Variants in WNT3A observed in about 807,000 individuals in gnomAD.
WNT3A encodes the protein Wnt family member 3A.
WNT3A carries 17 observed loss-of-function variants against 37.0 expected under a neutral mutation model. The observed-to-expected ratio is 0.46, with a 90% confidence interval of 0.31 to 0.69. The LOEUF (loss-of-function observed/expected upper bound fraction) is 0.69, where lower values mean the gene tolerates loss of function less well. Among genes scored for constraint, WNT3A ranks in the 30% least tolerant of loss-of-function variants. The pLI, the probability that WNT3A is intolerant of heterozygous loss-of-function variation, is 0.05. For synonymous variants in WNT3A, 187 were observed against 211.0 expected (o/e 0.89, Z 0.99); for missense variants, 411 against 510.2 (o/e 0.81, Z 1.87).
intron 3 of WNT3A, among the ~76,000 whole-genome samples, chr1:228,054,166 G>C (rs1289470110): frequency 2.0e-5 from 3 of 152,180 alleles, no homozygotes; most frequent in Non-Finnish European, 4.4e-5. Flanking sequence ...GTCTTGTCCT[G>C]TTCACATGGG....
chr1:228,054,547 G>A (rs1373382334), intron 3 of WNT3A, among the ~76,000 whole-genome samples: 1 of 148,452 alleles, frequency 6.7e-6, no homozygotes, highest in South Asian at 2.1e-4. Context: ...AGAATGGCGT[G>A]AACCCAGGAG....
chr1:228,049,075 C>T (rs2031487864), intron 2 of WNT3A, among the ~76,000 whole-genome samples: 2 of 152,236 alleles, frequency 1.3e-5, no homozygotes, highest in Admixed American at 6.5e-5. Flanking sequence ...CTGCAGCCTT[C>T]CAAGCTGGAG....
At chr1:228,018,295 A>G (rs1340211357) in intron 1 of WNT3A, among the ~76,000 whole-genome samples, 1 of 152,162 alleles carries the variant, frequency 6.6e-6, no homozygotes, top group Admixed American at 6.5e-5. Context: ...GTTACAGGTC[A>G]TAGTTTCCCA....
In WNT3A at chr1:228,031,910, C is replaced by T. The variant is rs1488295144; in HGVS notation, c.313+9002C>T. On this transcript the variant is annotated intron_variant, in intron 2 of 3. Transcript: ENST00000284523. This position sits in a 1 kb window ranked among gnomAD's most constrained non-coding sequence, Gnocchi z 4.8. The stretch of plus-strand genomic sequence containing the variant: ...GGATGGGGTGCTTAGGGCTGCCACT[C>T]CCCCTCTGAGAAGGAAGCAGCGATT... Among the ~76,000 whole-genome samples the T allele has an allele frequency of 2.0e-5, 3 of 152,108 alleles. No individual in the cohort carries two copies. Among genetic ancestry groups the T allele is most frequent in the Non-Finnish European group, 4.4e-5 (3 of 68,028 alleles).
In WNT3A at chr1:228,059,927, G is replaced by A. The variant is rs879266966; in HGVS notation, c.*462G>A. ...GAGGCGGGGCTCTAGGATGGGGCAC[G>A]GCTCTGGGGTAGGCTGCTCCCTGAG... On this transcript the variant is annotated 3_prime_UTR_variant, in exon 4 of 4. Coordinates refer to ENST00000284523, the MANE Select transcript of WNT3A (RefSeq NM_033131.4). 7.6e-6 allele frequency: 8 copies of A among 1,058,088 alleles called. No individual in the cohort carries two copies. Among genetic ancestry groups the A allele is most frequent in the South Asian group, 5.7e-5 (2 of 34,934 alleles). The allele number at this position is 1,058,088 out of a possible 1,614,324, so 65.5% of individuals were successfully genotyped here.
chr1:228,022,636 C>G, intron 1 of WNT3A, 31 bp from the exon 2 acceptor site: 1 of 1,597,222 alleles, frequency 6.3e-7, no homozygotes, highest in Non-Finnish European at 8.6e-7. Flanking sequence ...GTCCCAGCCC[C>G]ACACTCACCA....
Position 228,038,031 on chromosome 1 carries a change from G to C in WNT3A, c.314-12625G>C, listed in dbSNP as rs990556260. 6.6e-6 allele frequency among the ~76,000 whole-genome samples: 1 copy of C among 152,118 alleles called. No individual in the cohort carries two copies. Among genetic ancestry groups the C allele is most frequent in the Non-Finnish European group, 1.5e-5 (1 of 67,988 alleles). On this transcript the variant is annotated intron_variant, in intron 2 of 3. Coordinates refer to ENST00000284523, the MANE Select transcript of WNT3A (RefSeq NM_033131.4). This position sits in a 1 kb window ranked among gnomAD's most constrained non-coding sequence, Gnocchi z 5.7. Reference sequence around the variant, plus strand: ...ACTCGGCGTGACAGTGGCGCACAAAGCCGGATTCAAGCGCCCCAGCGGGTC... The same window carrying C: ...ACTCGGCGTGACAGTGGCGCACAAACCCGGATTCAAGCGCCCCAGCGGGTC...
chr1:228,047,894 C>T (rs2031460661), intron 2 of WNT3A, among the ~76,000 whole-genome samples: 1 of 152,104 alleles, frequency 6.6e-6, no homozygotes, highest in Non-Finnish European at 1.5e-5. Flanking sequence ...ATGGGACCCA[C>T]CCCCCATGAC....
At chr1:228,045,897 G>A (rs1195400099) in intron 2 of WNT3A, among the ~76,000 whole-genome samples, 1 of 152,216 alleles carries the variant, frequency 6.6e-6, no homozygotes, top group Non-Finnish European at 1.5e-5. Flanking sequence ...ATATCTATGG[G>A]CTGGGCCTTG....
chr1:228,059,940 G>A lies in WNT3A; in HGVS notation c.*475G>A, dbSNP rs368193456. 10 of 1,101,640 alleles carry A rather than the reference G, an allele frequency of 9.1e-6. No homozygotes were observed. The East Asian group carries it at 2.3e-4, about 25-fold the overall frequency. The allele number at this position is 1,101,640 out of a possible 1,614,324, so 68.2% of individuals were successfully genotyped here. A position where few individuals can be genotyped will look rare whatever the true frequency, so the allele number is the denominator to read the frequency against. On this transcript the variant is annotated 3_prime_UTR_variant, in exon 4 of 4. Coordinates refer to ENST00000284523, the MANE Select transcript of WNT3A (RefSeq NM_033131.4). ...AGGATGGGGCACGGCTCTGGGGTAGGCTGCTCCCTGAGGGCGGAGCGCCTC... is the reference window on the plus strand; with the variant it reads ...AGGATGGGGCACGGCTCTGGGGTAGACTGCTCCCTGAGGGCGGAGCGCCTC...
In WNT3A at chr1:228,058,761, G is replaced by T. The variant is rs147312174; in HGVS notation, c.580-225G>T. Among the ~76,000 whole-genome samples, 505 of 152,358 alleles carry T rather than the reference G, an allele frequency of 3.3e-3. 6 individuals carry two copies. The highest frequency in any genetic ancestry group is 0.012 in the African/African-American group (484 of 41,576). On this transcript the variant is annotated intron_variant, in intron 3 of 3. Transcript: ENST00000284523. Reference sequence around the variant, plus strand: ...ACTCAGCTAGGAGACGGGAAGAGGGGAGCCCCCCAAGCCCTGACCTGGGAA... The same window carrying T: ...ACTCAGCTAGGAGACGGGAAGAGGGTAGCCCCCCAAGCCCTGACCTGGGAA...
chr1:228,022,299 T>C (rs1486744172), intron 1 of WNT3A, among the ~76,000 whole-genome samples: 1 of 151,946 alleles, frequency 6.6e-6, no homozygotes, highest in East Asian at 1.9e-4. Context: ...CTCTACAAAC[T>C]GTAAAAATAA....
chr1:228,059,682 T>G lies in WNT3A; in HGVS notation c.*217T>G. 6.7e-6 allele frequency: 9 copies of G among 1,348,724 alleles called. No individual in the cohort carries two copies. The highest frequency in any genetic ancestry group is 8.5e-6 in the Non-Finnish European group (9 of 1,057,784). 83.5% of individuals were successfully genotyped at this position (1,348,724 alleles called of 1,614,324 possible). A position where few individuals can be genotyped will look rare whatever the true frequency, so the allele number is the denominator to read the frequency against. Reference sequence around the variant, plus strand: ...TCCTCTCTGGTGGCTGGGCTGCTCCTGAATGAGGCGGAGCTCCAGGATGGG... The same window carrying G: ...TCCTCTCTGGTGGCTGGGCTGCTCCGGAATGAGGCGGAGCTCCAGGATGGG... On this transcript the variant is annotated 3_prime_UTR_variant, in exon 4 of 4. Transcript: ENST00000284523.
Position 228,031,110 on chromosome 1 carries a change from TG to T in WNT3A, c.313+8203del, listed in dbSNP as rs1339656040. Among the ~76,000 whole-genome samples, 1 of 152,272 alleles carries T rather than the reference TG, an allele frequency of 6.6e-6. No homozygotes were observed. The highest frequency in any genetic ancestry group is 1.9e-4 in the East Asian group (1 of 5,138). ...CACGCCCCAGCCCTCATCACGGGCC[TG>T]TGTTCTTCAGGCGTGGGGAAGGCAC... On this transcript the variant is annotated intron_variant, in intron 2 of 3. Transcript: ENST00000284523. This position sits in a 1 kb window ranked among gnomAD's most constrained non-coding sequence, Gnocchi z 4.8.
chr1:228,042,385 CTGGATGGATGGATGGATGA>C lies in WNT3A; in HGVS notation c.314-8259_314-8241del. ...CTGGCTCATTAGGGACTCTCAGATC[CTGGATGGATGGATGGATGA>C]TGGATGGATGGTGGGTGGTGGATAG... On this transcript the variant is annotated intron_variant, in intron 2 of 3. Coordinates refer to ENST00000284523, the MANE Select transcript of WNT3A (RefSeq NM_033131.4). This position sits in a 1 kb window ranked among gnomAD's most constrained non-coding sequence, Gnocchi z 5.2. 6.6e-6 allele frequency among the ~76,000 whole-genome samples: 1 copy of C among 152,188 alleles called. No homozygotes were observed. Among genetic ancestry groups the C allele is most frequent in the South Asian group, 2.1e-4 (1 of 4,820 alleles).
rs755377721 is a variant in WNT3A at position 228,007,249 on chromosome 1, A to C, written c.71+50A>C. 12 of 1,556,688 alleles carry C rather than the reference A, an allele frequency of 7.7e-6. No individual in the cohort carries two copies. The highest frequency in any genetic ancestry group is 1.0e-5 in the Non-Finnish European group (12 of 1,147,766). On this transcript the variant is annotated intron_variant, in intron 1 of 3. Coordinates refer to ENST00000284523, the MANE Select transcript of WNT3A (RefSeq NM_033131.4). The surrounding 1 kb of genome is among the most constrained non-coding windows in gnomAD (Gnocchi z 6.0). Reference sequence around the variant, plus strand: ...CCCTGCCCCTGTGCGCCGCGCCCGCAGCAGACGGTCCCCTCGGGCAGGGAC... The same window carrying C: ...CCCTGCCCCTGTGCGCCGCGCCCGCCGCAGACGGTCCCCTCGGGCAGGGAC...
Position 228,039,208 on chromosome 1 carries a change from C to T in WNT3A, c.314-11448C>T, listed in dbSNP as rs1004876637. On this transcript the variant is annotated intron_variant, in intron 2 of 3. Transcript: ENST00000284523. The surrounding 1 kb of genome is among the most constrained non-coding windows in gnomAD (Gnocchi z 4.1). ...GCATGGCCAGGTGAGCATGGGTCAA[C>T]ATCAAGAAGCAGACTGGGCAAAGGC... is the stretch of plus-strand genomic sequence containing the variant. 3.9e-5 allele frequency among the ~76,000 whole-genome samples: 6 copies of T among 152,142 alleles called. No homozygotes were observed. Among genetic ancestry groups the T allele is most frequent in the Non-Finnish European group, 5.9e-5 (4 of 68,002 alleles).
intron 2 of WNT3A, among the ~76,000 whole-genome samples, chr1:228,040,243 A>C (rs140693711): frequency 4.6e-5 from 7 of 152,166 alleles, no homozygotes; most frequent in African/African-American, 1.4e-4. Context: ...CCTGGGGCCC[A>C]TGGCTGACCC....
rs1177484758 is a variant in WNT3A, at chr1:228,038,477, A to G, written c.314-12179A>G. Among the ~76,000 whole-genome samples, 1 of 152,244 alleles carries G rather than the reference A, an allele frequency of 6.6e-6. No homozygotes were observed. Among genetic ancestry groups the G allele is most frequent in the African/African-American group, 2.4e-5 (1 of 41,470 alleles). On this transcript the variant is annotated intron_variant, in intron 2 of 3. Transcript: ENST00000284523. This position sits in a 1 kb window ranked among gnomAD's most constrained non-coding sequence, Gnocchi z 5.7. ...TCCTTTTTCAGGGGCGATGGTCCCC[A>G]GATGACATGACATTTGGGGCCACAG... is the stretch of plus-strand genomic sequence containing the variant.
Sources: allele counts gnomAD v4.1 joint callset (sites outside exome capture counted in the v4.1 genomes callset), GRCh38; gene constraint gnomAD v4.1.1; non-coding constraint Gnocchi (gnomAD v3.1); transcripts MANE v1.5; gene names NCBI Gene and HGNC (gene_info 2026-07-23, HGNC 2026-07-21).